TLCD4: variants seen among roughly 807,000 people sequenced by gnomAD.
TLCD4 encodes the protein TLC domain-containing protein 4.
In TLCD4, 7 loss-of-function variants were observed where a neutral mutation model predicts 24.2. That is an observed-to-expected ratio of 0.29 (90% CI 0.16 to 0.54). The LOEUF (loss-of-function observed/expected upper bound fraction) is 0.54, where lower values mean the gene tolerates loss of function less well. TLCD4 is among the 20% of genes least tolerant of loss of function. TLCD4 has a pLI of 0.95. For synonymous variants in TLCD4, 103 were observed against 106.4 expected, an observed-to-expected ratio of 0.97 and a Z score of 0.20; for missense variants, 259 against 313.9, an observed-to-expected ratio of 0.82 and a Z score of 1.32.
At chr1:95,180,878 T>C (rs547316074) in intron 6 of TLCD4, among the ~76,000 whole-genome samples, 1 of 152,354 alleles carries the variant, frequency 6.6e-6, no homozygotes, top group African/African-American at 2.4e-5. Flanking sequence ...GCTTCATGTC[T>C]GTGTTTGAGA....
intron 1 of TLCD4, among the ~76,000 whole-genome samples, chr1:95,129,683 A>G (rs1056838347): frequency 6.6e-6 from 1 of 152,232 alleles, no homozygotes; most frequent in Admixed American, 6.5e-5. Context: ...CAGAGGTTGC[A>G]GTGAACCGAG....
chr1:95,095,378 C>A, the TLCD4 span, among the ~76,000 whole-genome samples: 1 of 151,970 alleles, frequency 6.6e-6, no homozygotes, highest in East Asian at 1.9e-4. Context: ...CATTACTTAA[C>A]CTCTTTAGGG....
chr1:95,135,195 C>G (rs1232938942), intron 1 of TLCD4, among the ~76,000 whole-genome samples: 1 of 152,098 alleles, frequency 6.6e-6, no homozygotes, highest in African/African-American at 2.4e-5. Flanking sequence ...ATTTTAGACC[C>G]CAAATCTTGT....
intron 1 of TLCD4, among the ~76,000 whole-genome samples, chr1:95,133,855 G>T (rs1023508031): frequency 6.6e-6 from 1 of 151,970 alleles, no homozygotes. Flanking sequence ...TGAGTAAATA[G>T]TTGGGCATAT....
At chr1:95,122,123 G>A (rs1340943310) in intron 1 of TLCD4, among the ~76,000 whole-genome samples, 4 of 152,174 alleles carry the variant, frequency 2.6e-5, no homozygotes, top group Non-Finnish European at 5.9e-5. Flanking sequence ...CAGCGTGGAG[G>A]TGGGCAGATC....
Position 95,194,188 on chromosome 1 carries a change from T to G in TLCD4, c.*2320T>G, listed in dbSNP as rs888995049. 6.6e-6 allele frequency: 1 copy of G among 152,152 alleles called. No homozygotes were observed. The highest frequency in any genetic ancestry group is 2.4e-5 in the African/African-American group (1 of 41,466). 9.4% of individuals were successfully genotyped at this position (152,152 alleles called of 1,614,324 possible). ...TATTTAAAACATCAAAATTTTGAAC[T>G]AAAGTTTGTGATTCTCTTATTCAGC... On this transcript the variant is annotated 3_prime_UTR_variant, in exon 7 of 7. Coordinates refer to ENST00000370203, the MANE Select transcript of TLCD4 (RefSeq NM_152487.3).
At chr1:95,108,036 A>C in the TLCD4 span, among the ~76,000 whole-genome samples, 1 of 152,146 alleles carries the variant, frequency 6.6e-6, no homozygotes, top group Non-Finnish European at 1.5e-5. Flanking sequence ...AATGAAGACC[A>C]TTTATAATGT....
the TLCD4 span, among the ~76,000 whole-genome samples, chr1:95,100,442 G>A: frequency 6.6e-6 from 1 of 152,122 alleles, no homozygotes; most frequent in Admixed American, 6.6e-5. Flanking sequence ...GGGCATGATG[G>A]TGCATGCCTG....
intron 5 of TLCD4, among the ~76,000 whole-genome samples, chr1:95,151,842 G>A (rs1445663252): frequency 6.6e-6 from 1 of 152,100 alleles, no homozygotes; most frequent in South Asian, 2.1e-4. Context: ...TGGAGCAGTG[G>A]AGAAATCTTG....
intron 6 of TLCD4, among the ~76,000 whole-genome samples, chr1:95,184,308 A>G (rs1036796790): frequency 1.3e-5 from 2 of 151,688 alleles, no homozygotes; most frequent in Non-Finnish European, 2.9e-5. Context: ...TCAACAAACC[A>G]GTGCCATCAA....
At chr1:95,126,990 A>G (rs1182734565) in intron 1 of TLCD4, among the ~76,000 whole-genome samples, 1 of 152,242 alleles carries the variant, frequency 6.6e-6, no homozygotes, top group Non-Finnish European at 1.5e-5. Flanking sequence ...GGTTTACCAC[A>G]GGTGACTGCA....
At chr1:95,110,413 T>C in the TLCD4 span, among the ~76,000 whole-genome samples, 1 of 151,990 alleles carries the variant, frequency 6.6e-6, no homozygotes, top group Non-Finnish European at 1.5e-5. Flanking sequence ...ATGTGAGAAA[T>C]GGAAAATTTC....
intron 5 of TLCD4, among the ~76,000 whole-genome samples, chr1:95,162,249 T>C (rs1033995598): frequency 7.2e-5 from 11 of 152,132 alleles, no homozygotes; most frequent in African/African-American, 2.7e-4. Context: ...CCTTTACCAT[T>C]ATGTAATGGC....
rs200257933 is a variant in TLCD4 at position 95,177,935 on chromosome 1, CTTTTTTT to C, written c.473+4055_473+4061del. The stretch of plus-strand genomic sequence containing the variant: ...TGGATCAACTGTCTTTTTTTCTTTT[CTTTTTTT>C]TTTTTTTTGTTTTTTTTTGTTTTTT... On this transcript the variant is annotated intron_variant, in intron 6 of 6. Coordinates refer to ENST00000370203, the MANE Select transcript of TLCD4 (RefSeq NM_152487.3). 6.1e-5 allele frequency among the ~76,000 whole-genome samples: 8 copies of C among 130,338 alleles called. No individual in the cohort carries two copies. In the East Asian group the frequency reaches 1.1e-3, roughly 18 times the overall value. The allele number at this position is 130,338 out of a possible 152,430, so 85.5% of individuals were successfully genotyped here.
At chr1:95,144,235 A>T (rs1677289387) in intron 2 of TLCD4, among the ~76,000 whole-genome samples, 179 bp downstream of exon 2, 1 of 152,224 alleles carries the variant, frequency 6.6e-6, no homozygotes, top group East Asian at 1.9e-4. Context: ...TTAAGAATTC[A>T]TATATTGAAA....
intron 6 of TLCD4, among the ~76,000 whole-genome samples, chr1:95,181,977 A>C (rs942533089): frequency 2.6e-5 from 4 of 152,142 alleles, no homozygotes; most frequent in Admixed American, 2.6e-4. Flanking sequence ...TCATTGGGAA[A>C]ATATTGGCTC....
At chr1:95,105,993 A>T in the TLCD4 span, among the ~76,000 whole-genome samples, 2 of 152,072 alleles carry the variant, frequency 1.3e-5, no homozygotes, top group African/African-American at 4.8e-5. Context: ...TCTAATGCAG[A>T]CACTGAATGC....
chr1:95,093,477 G>C, the TLCD4 span, among the ~76,000 whole-genome samples: 5 of 152,210 alleles, frequency 3.3e-5, no homozygotes, highest in African/African-American at 1.2e-4. Flanking sequence ...GGATGTATCA[G>C]AGTAGGCTGT....
chr1:95,130,931 A>G (rs1316156607), intron 1 of TLCD4, among the ~76,000 whole-genome samples: 1 of 152,224 alleles, frequency 6.6e-6, no homozygotes, highest in Non-Finnish European at 1.5e-5. Flanking sequence ...TTCATGCGGT[A>G]ATACTATGGT....
Sources: gnomAD v4.1 joint callset for allele counts (sites outside exome capture counted in the v4.1 genomes callset) on GRCh38, gnomAD v4.1.1 for gene constraint, MANE v1.5 for transcripts, NCBI Gene and HGNC (gene_info 2026-07-23, HGNC 2026-07-21) for gene names.